Variants in GALNT11 observed in about 807,000 individuals in gnomAD.
GALNT11 encodes the protein polypeptide N-acetylgalactosaminyltransferase 11.
A neutral mutation model predicts 72.7 loss-of-function variants in GALNT11; 47 were observed. That is an observed-to-expected ratio of 0.65 (90% confidence interval 0.51 to 0.82). The LOEUF is 0.82. Ranked by LOEUF, GALNT11 falls within the 40% of genes least tolerant of loss-of-function variation. The pLI is 0.00. For synonymous variants in GALNT11, 270 were observed against 286.6 expected (o/e 0.94, Z 0.58); for missense variants, 677 against 778.4 (o/e 0.87, Z 1.55).
At chr7:152,081,422 T>C (rs2085318552) in intron 1 of GALNT11, among the ~76,000 whole-genome samples, 1 of 152,160 alleles carries the variant, frequency 6.6e-6, no homozygotes, top group Non-Finnish European at 1.5e-5. Flanking sequence ...GTAAATTGGG[T>C]GAGCTGAGAT....
intron 5 of GALNT11, 75 bp from the exon 6 acceptor site, chr7:152,107,963 A>AT: frequency 6.6e-7 from 1 of 1,522,608 alleles, no homozygotes; most frequent in Middle Eastern, 2.3e-4. Flanking sequence ...TCAGCGCGTC[A>AT]TCCCATTGGA....
intron 1 of GALNT11, among the ~76,000 whole-genome samples, chr7:152,038,065 C>T (rs560861118): frequency 6.6e-6 from 1 of 152,264 alleles, no homozygotes; most frequent in South Asian, 2.1e-4. Context: ...CCACTGTGCC[C>T]AGCCCGTCTT....
chr7:152,059,244 T>G (rs1458542514), intron 1 of GALNT11, among the ~76,000 whole-genome samples: 2 of 151,980 alleles, frequency 1.3e-5, no homozygotes, highest in African/African-American at 2.4e-5. Flanking sequence ...TACAGGCATG[T>G]GCCACCATGC....
chr7:152,070,449 G>C (rs2084570242), intron 1 of GALNT11, among the ~76,000 whole-genome samples: 1 of 151,908 alleles, frequency 6.6e-6, no homozygotes, highest in Admixed American at 6.6e-5. Context: ...CAAGGTGTTG[G>C]CAGGGCTGTT....
At position 152,121,888 on chromosome 7, in the gene GALNT11, T is replaced by G. The variant is rs556499580; in HGVS notation, c.*211T>G. ...GAGTGTCCACGGGTGAAGAAGTGAGTGTCCACGGGTGAAGAAGTGAGTATG... is the reference window on the plus strand; with the variant it reads ...GAGTGTCCACGGGTGAAGAAGTGAGGGTCCACGGGTGAAGAAGTGAGTATG... On this transcript the variant is annotated 3_prime_UTR_variant, in exon 12 of 12. Coordinates refer to ENST00000430044, the MANE Select transcript of GALNT11 (RefSeq NM_022087.4). 16 of 513,258 alleles carry G rather than the reference T, an allele frequency of 3.1e-5. No individual in the cohort carries two copies. The East Asian group carries it at 5.2e-4, about 17-fold the overall frequency. 31.8% of individuals were successfully genotyped at this position (513,258 alleles called of 1,614,324 possible).
chr7:152,103,067 C>A (rs201433086), intron 3 of GALNT11, 45 bp from the exon 4 acceptor site: 1 of 1,543,660 alleles, frequency 6.5e-7, no homozygotes, highest in East Asian at 2.3e-5. Context: ...CTAAACCATT[C>A]GAGCCTTTTA....
chr7:152,055,933 T>C (rs1347109421), intron 1 of GALNT11, among the ~76,000 whole-genome samples: 2 of 152,198 alleles, frequency 1.3e-5, no homozygotes, highest in Non-Finnish European at 2.9e-5. Context: ...AAAAGTATAC[T>C]GTAATATTAA....
At chr7:152,099,530 G>GTTTTTTTTTTTTTTT (rs1009548038) in intron 2 of GALNT11, among the ~76,000 whole-genome samples, 3 of 57,784 alleles carry the variant, frequency 5.2e-5, no homozygotes, top group Admixed American at 2.1e-4. Flanking sequence ...CTCCCGCCTA[G>GTTTTTTTTTTTTTTT]TTTTTTTTTT....
intron 1 of GALNT11, among the ~76,000 whole-genome samples, chr7:152,028,113 A>G (rs2082121329): frequency 6.6e-6 from 1 of 152,218 alleles, no homozygotes; most frequent in South Asian, 2.1e-4. Context: ...CAGCAGCAAG[A>G]TTTATTGCAA....
intron 1 of GALNT11, among the ~76,000 whole-genome samples, chr7:152,058,067 A>C (rs1350598171): frequency 2.0e-5 from 3 of 152,200 alleles, no homozygotes; most frequent in African/African-American, 7.2e-5. Context: ...ACTATCACAA[A>C]GTGAATCACA....
intron 3 of GALNT11, among the ~76,000 whole-genome samples, 191 bp from the exon 4 acceptor site, chr7:152,102,921 C>T (rs1420046016): frequency 6.8e-6 from 1 of 146,860 alleles, no homozygotes; most frequent in Non-Finnish European, 1.5e-5. Flanking sequence ...GCGGAGGTCA[C>T]GATGAGCCGA....
chr7:152,066,599 G>A (rs1194090076), intron 1 of GALNT11, among the ~76,000 whole-genome samples: 1 of 152,190 alleles, frequency 6.6e-6, no homozygotes, highest in Non-Finnish European at 1.5e-5. Flanking sequence ...ATCACTTGTA[G>A]TTTTTTATTT....
chr7:152,054,483 T>G (rs940918983), intron 1 of GALNT11, among the ~76,000 whole-genome samples: 1 of 151,190 alleles, frequency 6.6e-6, no homozygotes, highest in South Asian at 2.1e-4. Context: ...GTTTATAGTT[T>G]TAATGAATTT....
At chr7:152,052,596 T>C (rs1219430146) in intron 1 of GALNT11, among the ~76,000 whole-genome samples, 1 of 152,192 alleles carries the variant, frequency 6.6e-6, no homozygotes, top group African/African-American at 2.4e-5. Flanking sequence ...TTAGCTTCTC[T>C]ATAAATCTTT....
intron 1 of GALNT11, among the ~76,000 whole-genome samples, chr7:152,065,859 G>T (rs956002169): frequency 6.6e-6 from 1 of 152,190 alleles, no homozygotes; most frequent in Admixed American, 6.5e-5. Flanking sequence ...CTACTGGGAG[G>T]TGCCTCCCAG....
In GALNT11 at chr7:152,103,210, G is replaced by T; in HGVS notation, c.518G>T (p.Ser173Ile). Residue 173 changes from serine (S) to isoleucine (I), a missense_variant, in exon 4 of 12, where the codon AGT (serine) becomes ATT (isoleucine). By Grantham distance (142) the Ser-to-Ile change is moderately radical. Coordinates refer to ENST00000430044, the MANE Select transcript of GALNT11 (RefSeq NM_022087.4). ...TCTGCCTTGCTTCGGACAGTGCACAGTGTCATAGACCGCACGCCAGCACAC... is the reference window on the plus strand; with the variant it reads ...TCTGCCTTGCTTCGGACAGTGCACATTGTCATAGACCGCACGCCAGCACAC... ...AFSALLRTVH[S>I]VIDRTPAHLL... is the part of the protein sequence containing the mutation. 6.2e-7 allele frequency: 1 copy of T among 1,613,828 alleles called. No homozygotes were observed. The highest frequency in any genetic ancestry group is 2.2e-5 in the East Asian group (1 of 44,872).
In GALNT11 at chr7:152,065,163, T is replaced by G. The variant is rs569728113; in HGVS notation, c.-38-29027T>G. On this transcript the variant is annotated intron_variant, in intron 1 of 11. Coordinates refer to ENST00000430044, the MANE Select transcript of GALNT11 (RefSeq NM_022087.4). ...GGCTTCGTTCATTTCTTTTTACTCTTTTTTCTCTAAACTTCTCTTCTTGCT... is the reference window on the plus strand; with the variant it reads ...GGCTTCGTTCATTTCTTTTTACTCTGTTTTCTCTAAACTTCTCTTCTTGCT... Among the ~76,000 whole-genome samples, 3 of 152,286 alleles carry G rather than the reference T, an allele frequency of 2.0e-5. No individual in the cohort carries two copies. The East Asian group carries it at 5.8e-4, about 29-fold the overall frequency.
intron 1 of GALNT11, among the ~76,000 whole-genome samples, chr7:152,035,712 T>G (rs1008376067): frequency 8.5e-5 from 13 of 152,220 alleles, no homozygotes; most frequent in Non-Finnish European, 1.9e-4. Flanking sequence ...CAGTTTTAAC[T>G]GGCCGCTAGT....
At chr7:152,112,725 A>G (rs2088378990) in intron 7 of GALNT11, among the ~76,000 whole-genome samples, 1 of 152,098 alleles carries the variant, frequency 6.6e-6, no homozygotes, top group Non-Finnish European at 1.5e-5. Flanking sequence ...TCAGATAGTC[A>G]AGGACAGAAT....
Sources: allele counts gnomAD v4.1 joint callset (sites outside exome capture counted in the v4.1 genomes callset), GRCh38; gene constraint gnomAD v4.1.1; transcripts MANE v1.5; gene names NCBI Gene and HGNC (gene_info 2026-07-23, HGNC 2026-07-21).